Variants in ZNF550 observed in about 807,000 individuals in gnomAD.
The protein encoded by ZNF550 is zinc finger protein 550.
In ZNF550, 42 loss-of-function variants were observed where a neutral mutation model predicts 40.2. That is an observed-to-expected ratio of 1.05 (90% CI 0.82 to 1.35). The LOEUF is 1.35. Among genes scored for constraint, ZNF550 ranks in the 40% most tolerant of loss-of-function variants. The pLI, the probability that ZNF550 is intolerant of heterozygous loss-of-function variation, is 0.00. For synonymous variants in ZNF550, 223 were observed against 198.6 expected, an observed-to-expected ratio of 1.12 and a Z score of -1.03; for missense variants, 549 against 525.2, an observed-to-expected ratio of 1.05 and a Z score of -0.44.
At chr19:57,543,063 A>G (rs549614831) in exon 5 of ZNF550, 1 of 196,114 alleles carries the variant, frequency 5.1e-6, no homozygotes, top group Non-Finnish European at 9.2e-6. Context: ...TAAAGAAACT[A>G]TTAATTCCCT....
chr19:57,560,097 G>A (rs902385092), upstream of ZNF550, among the ~76,000 whole-genome samples: 7 of 152,338 alleles, frequency 4.6e-5, no homozygotes, highest in East Asian at 1.4e-3. Context: ...AGCAGGCTGT[G>A]AGCACTCGCC....
intron 3 of ZNF550, among the ~76,000 whole-genome samples, chr19:57,549,153 A>G (rs1204078739): frequency 2.6e-5 from 4 of 152,256 alleles, no homozygotes; most frequent in Admixed American, 2.6e-4. Context: ...ATACTTTGAA[A>G]TAACTAAGGG....
chr19:57,552,208 G>C (rs974872373), intron 3 of ZNF550, among the ~76,000 whole-genome samples: 1 of 152,192 alleles, frequency 6.6e-6, no homozygotes, highest in African/African-American at 2.4e-5. Flanking sequence ...AGGAGTCTGA[G>C]GTGATGTAAA....
At chr19:57,548,082 T>A (rs1310732363) in intron 3 of ZNF550, 89 bp from the exon 4 acceptor site, 2 of 1,190,642 alleles carry the variant, frequency 1.7e-6, no homozygotes, top group Admixed American at 2.2e-5. Flanking sequence ...AAAATGAAGA[T>A]GAAAATAGTG....
chr19:57,552,887 G>A, intron 2 of ZNF550, 165 bp from the exon 3 acceptor site: 1 of 588,230 alleles, frequency 1.7e-6, no homozygotes. Flanking sequence ...TGCTCTGAGT[G>A]AGCTGTGTTC....
intron 3 of ZNF550, among the ~76,000 whole-genome samples, 195 bp from the exon 4 acceptor site, chr19:57,548,188 G>T (rs2090041321): frequency 6.6e-6 from 1 of 152,164 alleles, no homozygotes; most frequent in Admixed American, 6.5e-5. Context: ...GGAAAATCTG[G>T]AGGGCAGGCT....
At chr19:57,542,614 T>C (rs2089971177) in exon 5 of ZNF550, 1 of 152,036 alleles carries the variant, frequency 6.6e-6, no homozygotes, top group African/African-American at 2.4e-5. Context: ...AAAAAAAGAA[T>C]TGTGAGGTCT....
At chr19:57,556,338 T>G in exon 2 of ZNF550, 2 of 1,613,192 alleles carry the variant, frequency 1.2e-6, no homozygotes, top group Non-Finnish European at 1.7e-6. Context: ...CACAGCCACA[T>G]CCTTGAAGGT....
chr19:57,547,614 T>G, exon 4 of ZNF550: 1 of 1,614,198 alleles, frequency 6.2e-7, no homozygotes, highest in Non-Finnish European at 8.5e-7. Flanking sequence ...TGTTAAAACC[T>G]TTCCCACACT....
chr19:57,553,555 T>C (rs1000239305), intron 2 of ZNF550: 2 of 152,238 alleles, frequency 1.3e-5, no homozygotes, highest in Non-Finnish European at 2.9e-5. Flanking sequence ...GTAGCAGGGA[T>C]TACAGGCATG....
At chr19:57,558,571 A>G (rs1027471583) in intron 1 of ZNF550, among the ~76,000 whole-genome samples, 1 of 152,232 alleles carries the variant, frequency 6.6e-6, no homozygotes, top group Non-Finnish European at 1.5e-5. Flanking sequence ...TAAACAGGCA[A>G]CTAAATAAAT....
At position 57,546,380 on chromosome 19, in the gene ZNF550, C is replaced by T. The variant is rs76351154; in HGVS notation, c.*518+77G>A. 1,196 of 581,166 alleles carry T rather than the reference C, an allele frequency of 2.1e-3. 13 individuals carry two copies. In the Admixed American group the frequency reaches 0.029, roughly 14 times the overall value. The allele number at this position is 581,166 out of a possible 1,614,324, so 36.0% of individuals were successfully genotyped here. On this transcript the variant is annotated intron_variant, in intron 4 of 4. Transcript: ENST00000457177. ...AAAAAAAAGGAATAAAACCCCTTTA[C>T]CTCTCAAACATTCCCCTACCAAAAA...
intron 4 of ZNF550, chr19:57,544,035 C>T: frequency 2.0e-6 from 2 of 985,436 alleles, no homozygotes; most frequent in South Asian, 4.7e-5. Context: ...CTTCTACTGA[C>T]TTAAAAACGG....
intron 4 of ZNF550, chr19:57,543,472 T>C (rs1019366289): frequency 2.6e-5 from 10 of 387,006 alleles, no homozygotes; most frequent in Non-Finnish European, 3.5e-5. Context: ...TAATTTACCG[T>C]CCACATTTCC....
intron 1 of ZNF550, among the ~76,000 whole-genome samples, chr19:57,558,263 G>A (rs984860609): frequency 2.0e-5 from 3 of 152,176 alleles, no homozygotes; most frequent in Non-Finnish European, 2.9e-5. Flanking sequence ...AAGGGCAAAG[G>A]CTGAAAATGG....
intron 4 of ZNF550, chr19:57,544,060 TAAGTC>T: frequency 1.0e-6 from 1 of 985,444 alleles, no homozygotes; most frequent in Non-Finnish European, 1.2e-6. Flanking sequence ...TAAACAAGTT[TAAGTC>T]AATATATTGC....
At chr19:57,557,982 A>G (rs2090137336) in intron 1 of ZNF550, among the ~76,000 whole-genome samples, 1 of 152,256 alleles carries the variant, frequency 6.6e-6, no homozygotes, top group Non-Finnish European at 1.5e-5. Flanking sequence ...TGGGAACTTT[A>G]TTAATCCCCT....
At position 57,545,201 on chromosome 19, in the gene ZNF550, G is replaced by A. The variant is rs75958597; in HGVS notation, c.*518+1256C>T. On this transcript the variant is annotated intron_variant, in intron 4 of 4. Transcript: ENST00000457177. ...CATGGTGGTTAACTATGAAACTCAC[G>A]TAAACCTGCCCACGTATATCCTGAT... Among the ~76,000 whole-genome samples, 696 of 152,276 alleles carry A rather than the reference G, an allele frequency of 4.6e-3. 11 individuals are homozygous for A. The highest frequency in any genetic ancestry group is 0.029 in the Admixed American group (444 of 15,296).
intron 1 of ZNF550, among the ~76,000 whole-genome samples, chr19:57,557,981 T>C (rs929388794): frequency 5.9e-5 from 9 of 152,256 alleles, no homozygotes; most frequent in African/African-American, 2.2e-4. Context: ...TTGGGAACTT[T>C]ATTAATCCCC....
Sources: gnomAD v4.1 joint callset for allele counts (sites outside exome capture counted in the v4.1 genomes callset) on GRCh38, gnomAD v4.1.1 for gene constraint, MANE v1.5 for transcripts, NCBI Gene and HGNC (gene_info 2026-07-23, HGNC 2026-07-21) for gene names.